Variants in GPM6A observed in about 807,000 individuals in gnomAD.
GPM6A encodes neuronal membrane glycoprotein M6-a.
GPM6A carries 7 observed loss-of-function variants against 32.1 expected under a neutral mutation model. The ratio of observed to expected loss-of-function variants is 0.22; its 90% CI spans 0.12 to 0.41. The LOEUF is 0.41. Among genes scored for constraint, GPM6A ranks in the 10% least tolerant of loss-of-function variants. GPM6A has a pLI of 1.00. For missense variants in GPM6A, 235 were observed against 347.2 expected (o/e 0.68, Z 2.57); for synonymous variants, 130 against 123.4 (o/e 1.05, Z -0.35).
chr4:175,704,248 C>T (rs1745037724), intron 1 of GPM6A, among the ~76,000 whole-genome samples: 1 of 152,086 alleles, frequency 6.6e-6, no homozygotes, highest in African/African-American at 2.4e-5. Context: ...CTTCCCACTT[C>T]AGTAGCTGTT....
chr4:175,711,782 T>TAG (rs989533592), intron 1 of GPM6A, among the ~76,000 whole-genome samples: 47 of 151,550 alleles, frequency 3.1e-4, no homozygotes, highest in African/African-American at 1.1e-3. Flanking sequence ...GTTGGTGAAG[T>TAG]AGAGAGCCTG....
chr4:175,828,740 G>T (rs1735514037), intron 1 of GPM6A, among the ~76,000 whole-genome samples: 1 of 151,988 alleles, frequency 6.6e-6, no homozygotes. Context: ...TAGACTTATA[G>T]AACCCATAGA....
intron 1 of GPM6A, among the ~76,000 whole-genome samples, chr4:175,880,946 G>C (rs1186317170): frequency 6.6e-6 from 1 of 152,072 alleles, no homozygotes; most frequent in Non-Finnish European, 1.5e-5. Flanking sequence ...GTGACAGAGG[G>C]CATCCCCGTC....
chr4:175,871,825 T>C (rs1262421009), intron 1 of GPM6A, among the ~76,000 whole-genome samples: 3 of 152,248 alleles, frequency 2.0e-5, no homozygotes, highest in Admixed American at 2.0e-4. Flanking sequence ...AGCTGTGATC[T>C]GCTCGCAATT....
intron 1 of GPM6A, among the ~76,000 whole-genome samples, chr4:175,978,793 A>G (rs964774426): frequency 1.3e-5 from 2 of 152,086 alleles, no homozygotes; most frequent in African/African-American, 4.8e-5. Context: ...AGGTAAGCCA[A>G]ATAGCCCTAG....
chr4:175,981,781 T>C (rs1740822340), intron 1 of GPM6A, among the ~76,000 whole-genome samples: 1 of 152,158 alleles, frequency 6.6e-6, no homozygotes, highest in Admixed American at 6.5e-5. Flanking sequence ...AAGTGTATTT[T>C]TGATTTTATA....
intron 1 of GPM6A, among the ~76,000 whole-genome samples, chr4:175,994,452 T>C (rs1741242407): frequency 6.6e-6 from 1 of 152,204 alleles, no homozygotes; most frequent in South Asian, 2.1e-4. Flanking sequence ...ATGAATTTTT[T>C]GATTTCCCAG....
At chr4:175,851,262 G>A (rs985266660) in intron 1 of GPM6A, among the ~76,000 whole-genome samples, 3 of 149,542 alleles carry the variant, frequency 2.0e-5, no homozygotes, top group Non-Finnish European at 4.5e-5. Flanking sequence ...CAAGGTGGGC[G>A]GATCACAAGG....
At chr4:175,851,119 G>A (rs1227406572) in intron 1 of GPM6A, among the ~76,000 whole-genome samples, 2 of 152,112 alleles carry the variant, frequency 1.3e-5, no homozygotes, top group Admixed American at 1.3e-4. Context: ...AGCACTTTGG[G>A]GGACCGAGGT....
At chr4:175,918,723 CAT>C (rs536127550) in intron 1 of GPM6A, among the ~76,000 whole-genome samples, 13 of 152,206 alleles carry the variant, frequency 8.5e-5, no homozygotes, top group African/African-American at 3.1e-4. Flanking sequence ...TTGTCAAAAA[CAT>C]GTGTTTCCAG....
At position 175,634,805 on chromosome 4, in the gene GPM6A, T is replaced by G; in HGVS notation, c.*100A>C. The stretch of plus-strand genomic sequence containing the variant: ...CATAAGTCACCTTACATATCATTGA[T>G]GAGAAGCACTTTCGTTTTGTTTTTT... On this transcript the variant is annotated 3_prime_UTR_variant, in exon 7 of 7. Transcript: ENST00000393658. The G allele has an allele frequency of 1.2e-6, 1 of 864,882 alleles. No homozygotes were observed. The highest frequency in any genetic ancestry group is 1.9e-6 in the Non-Finnish European group (1 of 538,662). 53.6% of individuals were successfully genotyped at this position (864,882 alleles called of 1,614,324 possible).
chr4:175,670,549 A>T (rs992962995), intron 3 of GPM6A, among the ~76,000 whole-genome samples: 2 of 152,194 alleles, frequency 1.3e-5, no homozygotes, highest in African/African-American at 4.8e-5. Context: ...TTTGTACTCA[A>T]TTTGGTGCCA....
intron 1 of GPM6A, among the ~76,000 whole-genome samples, chr4:175,980,298 A>C (rs1247609896): frequency 6.6e-6 from 1 of 152,206 alleles, no homozygotes; most frequent in Non-Finnish European, 1.5e-5. Context: ...TGGAGATTGC[A>C]GTGAGCCCAG....
At chr4:175,918,593 C>G (rs9685517) in intron 1 of GPM6A, among the ~76,000 whole-genome samples, 1 of 152,144 alleles carries the variant, frequency 6.6e-6, no homozygotes, top group Non-Finnish European at 1.5e-5. Flanking sequence ...TTAGCAAGAC[C>G]ATAGAATGCT....
intron 1 of GPM6A, among the ~76,000 whole-genome samples, chr4:175,739,712 G>A (rs1016782371): frequency 4.6e-5 from 7 of 152,142 alleles, no homozygotes; most frequent in East Asian, 1.9e-4. Flanking sequence ...CAAAAGTGAC[G>A]TTTTGAAAAT....
At chr4:175,636,274 A>ATATATATG (rs1375277870) in intron 6 of GPM6A, among the ~76,000 whole-genome samples, 1 of 122,270 alleles carries the variant, frequency 8.2e-6, no homozygotes, top group South Asian at 2.5e-4. Context: ...ATATATATAT[A>ATATATATG]TATATATATA....
At chr4:175,939,292 G>A (rs1025006517) in intron 1 of GPM6A, among the ~76,000 whole-genome samples, 1 of 152,164 alleles carries the variant, frequency 6.6e-6, no homozygotes, top group Non-Finnish European at 1.5e-5. Flanking sequence ...AGGCAAGCTC[G>A]TGTAGCAGTC....
chr4:175,973,489 G>T (rs1210453063), intron 1 of GPM6A, among the ~76,000 whole-genome samples: 3 of 152,188 alleles, frequency 2.0e-5, no homozygotes, highest in African/African-American at 7.2e-5. Flanking sequence ...GTACTTAAAA[G>T]GGTCAACTAC....
intron 1 of GPM6A, among the ~76,000 whole-genome samples, chr4:175,935,173 C>T (rs1739178549): frequency 1.3e-5 from 2 of 152,242 alleles, no homozygotes; most frequent in East Asian, 1.9e-4. Flanking sequence ...AATAGCAAAA[C>T]CTGATGTTTG....
Sources: gnomAD v4.1 joint callset for allele counts (sites outside exome capture counted in the v4.1 genomes callset) on GRCh38, gnomAD v4.1.1 for gene constraint, MANE v1.5 for transcripts, NCBI Gene and HGNC (gene_info 2026-07-23, HGNC 2026-07-21) for gene names.